Variants in GFM2 observed in about 807,000 individuals in gnomAD.
The protein encoded by GFM2 is GTP dependent ribosome recycling factor mitochondrial 2.
A neutral mutation model predicts 95.4 loss-of-function variants in GFM2; 72 were observed. The observed-to-expected ratio is 0.76, with a 90% CI of 0.62 to 0.92. The LOEUF (loss-of-function observed/expected upper bound fraction) is 0.92, where lower values mean the gene tolerates loss of function less well. Among genes scored for constraint, GFM2 ranks in the 40% least tolerant of loss-of-function variants. The probability of loss-of-function intolerance (pLI) is 0.00; values close to 1 mark genes in which losing one functional copy is unlikely to be tolerated. For missense variants in GFM2, 825 were observed against 924.1 expected, an observed-to-expected ratio of 0.89 and a Z score of 1.39; for synonymous variants, 276 against 317.5, an observed-to-expected ratio of 0.87 and a Z score of 1.39.
intron 9 of GFM2, 78 bp downstream of exon 9, chr5:74,746,027 G>T: frequency 2.6e-6 from 3 of 1,143,956 alleles, no homozygotes; most frequent in Non-Finnish European, 3.8e-6. Context: ...TGATGAGATA[G>T]CTTTGGAAAT....
chr5:74,733,964 TATACTCTCCCTCTTTTTATAAAAGAA>T (rs1333992481), intron 15 of GFM2, among the ~76,000 whole-genome samples: 2 of 152,154 alleles, frequency 1.3e-5, no homozygotes, highest in African/African-American at 4.8e-5. Flanking sequence ...AACTGATAAG[TATACTCTCCCTCTTTTTATAAAAGAA>T]ATATGTTAGA....
chr5:74,743,250 A>G (rs1743202326), intron 10 of GFM2, among the ~76,000 whole-genome samples: 1 of 152,154 alleles, frequency 6.6e-6, no homozygotes, highest in South Asian at 2.1e-4. Context: ...ACTCTTTTCA[A>G]TTCTTTTGAG....
intron 16 of GFM2, among the ~76,000 whole-genome samples, chr5:74,731,025 C>G (rs1267796481): frequency 6.6e-6 from 1 of 152,110 alleles, no homozygotes. Flanking sequence ...GTTGGTCAGG[C>G]TGGTCTCGAA....
intron 19 of GFM2, among the ~76,000 whole-genome samples, chr5:74,723,746 CTT>C (rs1750024823): frequency 1.3e-5 from 2 of 152,246 alleles, no homozygotes; most frequent in South Asian, 4.1e-4. Flanking sequence ...TAAAAGGACT[CTT>C]ATCTGTGTCT....
intron 16 of GFM2, among the ~76,000 whole-genome samples, chr5:74,732,362 G>A (rs947647161): frequency 6.6e-6 from 1 of 151,926 alleles, no homozygotes; most frequent in Non-Finnish European, 1.5e-5. Context: ...GGAAAACAAA[G>A]TACTCCATGC....
At chr5:74,745,475 G>T (rs1743333621) in intron 10 of GFM2, among the ~76,000 whole-genome samples, 1 of 152,176 alleles carries the variant, frequency 6.6e-6, no homozygotes. Context: ...AAGTAATTTA[G>T]AAATGATTTA....
intron 16 of GFM2, 45 bp from the exon 17 acceptor site, chr5:74,730,443 T>C: frequency 7.4e-7 from 1 of 1,352,178 alleles, no homozygotes; most frequent in Non-Finnish European, 1.0e-6. Context: ...GTAAATTATA[T>C]TTATTGCAGA....
intron 19 of GFM2, 183 bp from the exon 20 acceptor site, chr5:74,722,744 T>C: frequency 1.9e-6 from 1 of 533,242 alleles, no homozygotes. Context: ...AATTTATAGA[T>C]CTTTTGTATG....
At chr5:74,732,163 G>A (rs1742609468) in intron 16 of GFM2, among the ~76,000 whole-genome samples, 1 of 143,688 alleles carries the variant, frequency 7.0e-6, no homozygotes, top group South Asian at 2.2e-4. Flanking sequence ...GTAGAGACAG[G>A]GTTTCCTTAT....
chr5:74,737,602 A>G (rs1370986359), intron 14 of GFM2, among the ~76,000 whole-genome samples: 1 of 152,184 alleles, frequency 6.6e-6, no homozygotes, highest in African/African-American at 2.4e-5. Context: ...TAGAGGGGAC[A>G]TTCCAATGCC....
chr5:74,763,897 T>G, intron 1 of GFM2, 131 bp from the exon 2 acceptor site: 1 of 516,112 alleles, frequency 1.9e-6, no homozygotes, highest in Non-Finnish European at 3.4e-6. Flanking sequence ...ACAATATTTT[T>G]AGCTACCAAA....
chr5:74,748,186 T>C (rs982449456), intron 7 of GFM2, among the ~76,000 whole-genome samples: 2 of 152,228 alleles, frequency 1.3e-5, no homozygotes, highest in African/African-American at 2.4e-5. Context: ...ATCTATGAAA[T>C]AGGAATTTTG....
intron 19 of GFM2, chr5:74,725,080 T>A (rs1750085909): frequency 6.6e-6 from 1 of 152,254 alleles, no homozygotes; most frequent in Admixed American, 6.5e-5. Context: ...GCAATCTTTA[T>A]AATTTAATAT....
At chr5:74,733,459 C>T (rs960590857) in intron 15 of GFM2, 1 of 157,624 alleles carries the variant, frequency 6.3e-6, no homozygotes, top group East Asian at 1.8e-4. Flanking sequence ...TCCAGGATGA[C>T]TTGAGACAGA....
At chr5:74,753,764 G>A (rs1272958899) in intron 5 of GFM2, among the ~76,000 whole-genome samples, 1 of 152,140 alleles carries the variant, frequency 6.6e-6, no homozygotes, top group Non-Finnish European at 1.5e-5. Context: ...CAAGAAAGAA[G>A]AGAAATCTAA....
intron 5 of GFM2, among the ~76,000 whole-genome samples, chr5:74,755,960 A>G (rs993814931): frequency 2.6e-5 from 4 of 152,344 alleles, no homozygotes; most frequent in Middle Eastern, 6.8e-3. Flanking sequence ...AAAATCCTCA[A>G]CAAAATACTA....
chr5:74,738,294 T>C, intron 14 of GFM2, 24 bp downstream of exon 14: 2 of 1,557,176 alleles, frequency 1.3e-6, no homozygotes, highest in Non-Finnish European at 1.8e-6. Context: ...TGTTATTTCC[T>C]AGAGAAATCA....
At position 74,765,099 on chromosome 5, in the gene GFM2, CTT is replaced by C. The variant is rs1184288954; in HGVS notation, c.-24-1335_-24-1334del. ...CCATGCCTGGCCTTGAATCCATTCC[CTT>C]TTCATTGGTAACGCCAAAGTTCAGG... On this transcript the variant is annotated intron_variant, in intron 1 of 20. Coordinates refer to ENST00000296805, the MANE Select transcript of GFM2 (RefSeq NM_032380.5). 7 of 1,259,348 alleles carry C rather than the reference CTT, an allele frequency of 5.6e-6. No homozygotes were observed. In the Admixed American group the frequency reaches 1.7e-4, roughly 30 times the overall value. 78.0% of individuals were successfully genotyped at this position (1,259,348 alleles called of 1,614,324 possible).
chr5:74,728,137 C>CAAGT (rs1333126360), intron 17 of GFM2, among the ~76,000 whole-genome samples: 1 of 152,130 alleles, frequency 6.6e-6, no homozygotes, highest in African/African-American at 2.4e-5. Context: ...CTTACTAACA[C>CAAGT]AAGTGGCCCT....
Sources: allele counts gnomAD v4.1 joint callset (sites outside exome capture counted in the v4.1 genomes callset), GRCh38; gene constraint gnomAD v4.1.1; transcripts MANE v1.5; gene names NCBI Gene and HGNC (gene_info 2026-07-23, HGNC 2026-07-21).